RABGAP1L: variants seen among roughly 807,000 people sequenced by gnomAD.
RABGAP1L encodes the protein rab GTPase-activating protein 1-like.
RABGAP1L carries 63 observed loss-of-function variants against 137.7 expected under a neutral mutation model. The observed-to-expected ratio is 0.46, with a 90% CI of 0.37 to 0.56. The LOEUF (loss-of-function observed/expected upper bound fraction) is 0.56. RABGAP1L is among the 20% of genes least tolerant of loss of function. RABGAP1L has a pLI of 0.00. For missense variants in RABGAP1L, 1,095 were observed against 1,244.0 expected (o/e 0.88, Z 1.80); for synonymous variants, 431 against 433.7 (o/e 0.99, Z 0.08).
intron 13 of RABGAP1L, among the ~76,000 whole-genome samples, chr1:174,502,576 G>GTATATATATATATATATATATATATATA (rs60045454): frequency 6.2e-5 from 8 of 129,064 alleles, no homozygotes; most frequent in African/African-American, 2.1e-4. Flanking sequence ...AAAGTACACG[G>GTATATATATATATATATATATATATATA]TATATATATA....
At chr1:174,715,199 C>T (rs933434749) in intron 17 of RABGAP1L, among the ~76,000 whole-genome samples, 19 of 152,026 alleles carry the variant, frequency 1.2e-4, no homozygotes, top group African/African-American at 4.3e-4. Context: ...GAATGCTTCC[C>T]ATTGTCTAGA....
chr1:174,238,623 G>A (rs1167296426), intron 4 of RABGAP1L, among the ~76,000 whole-genome samples: 4 of 149,912 alleles, frequency 2.7e-5, no homozygotes, highest in East Asian at 1.9e-4. Context: ...CAGTCTGCCC[G>A]TTCTCAGATC....
chr1:174,736,900 C>T (rs1682993694), intron 17 of RABGAP1L, among the ~76,000 whole-genome samples: 1 of 152,190 alleles, frequency 6.6e-6, no homozygotes, highest in Admixed American at 6.5e-5. Context: ...CTGAGACTGA[C>T]CAGGACAATG....
At chr1:174,661,371 A>G (rs1676358213) in intron 14 of RABGAP1L, among the ~76,000 whole-genome samples, 1 of 152,218 alleles carries the variant, frequency 6.6e-6, no homozygotes, top group South Asian at 2.1e-4. Flanking sequence ...CTAAAGGAGT[A>G]AGAAAACATG....
rs1672236334 is a variant in RABGAP1L at position 174,994,224 on chromosome 1, A to C, written c.*4223A>C. The C allele has an allele frequency of 6.6e-6, 1 of 152,210 alleles. No individual in the cohort carries two copies. Among genetic ancestry groups the C allele is most frequent in the African/African-American group, 2.4e-5 (1 of 41,444 alleles). 9.4% of individuals were successfully genotyped at this position (152,210 alleles called of 1,614,324 possible). On this transcript the variant is annotated 3_prime_UTR_variant, in exon 26 of 26. Coordinates refer to ENST00000681986, the MANE Select transcript of RABGAP1L (RefSeq NM_001366446.1). ...AAAAGTGACCAAAATGAGGACTTCA[A>C]CCTTGGCTGCACCTCAATAGGAGAT...
intron 19 of RABGAP1L, among the ~76,000 whole-genome samples, chr1:174,873,047 T>C (rs1228344371): frequency 6.6e-6 from 1 of 152,022 alleles, no homozygotes; most frequent in Non-Finnish European, 1.5e-5. Context: ...GCAGAAGACC[T>C]TTCTGCCCTC....
At chr1:174,648,060 C>T (rs1203477120) in intron 14 of RABGAP1L, among the ~76,000 whole-genome samples, 1 of 152,000 alleles carries the variant, frequency 6.6e-6, no homozygotes, top group Non-Finnish European at 1.5e-5. Flanking sequence ...TCCCCTTTAT[C>T]ATTTTTTATT....
At chr1:174,688,100 C>A (rs1221874067) in intron 15 of RABGAP1L, among the ~76,000 whole-genome samples, 1 of 152,092 alleles carries the variant, frequency 6.6e-6, no homozygotes, top group Non-Finnish European at 1.5e-5. Flanking sequence ...AGATTGCCTG[C>A]AACCATTATA....
intron 10 of RABGAP1L, among the ~76,000 whole-genome samples, chr1:174,298,736 G>A (rs911399775): frequency 6.6e-6 from 1 of 152,142 alleles, no homozygotes; most frequent in Non-Finnish European, 1.5e-5. Context: ...TGGGTACATG[G>A]TGCCTGGCTT....
intron 14 of RABGAP1L, among the ~76,000 whole-genome samples, chr1:174,665,652 A>T (rs2148432890): frequency 6.6e-6 from 1 of 152,196 alleles, no homozygotes; most frequent in South Asian, 2.1e-4. Flanking sequence ...ACGGAGTTTT[A>T]CCATGTTGGC....
At chr1:174,472,370 A>G (rs1658040417) in intron 13 of RABGAP1L, among the ~76,000 whole-genome samples, 1 of 152,228 alleles carries the variant, frequency 6.6e-6, no homozygotes, top group Non-Finnish European at 1.5e-5. Flanking sequence ...GATGTATATT[A>G]TCTGTATTTC....
intron 14 of RABGAP1L, among the ~76,000 whole-genome samples, chr1:174,669,705 A>T (rs1219106717): frequency 6.6e-6 from 1 of 152,248 alleles, no homozygotes; most frequent in Non-Finnish European, 1.5e-5. Context: ...GTGGATATGC[A>T]GTCTTCTCAG....
At chr1:174,373,511 A>C (rs752651484) in intron 12 of RABGAP1L, among the ~76,000 whole-genome samples, 5 of 152,190 alleles carry the variant, frequency 3.3e-5, no homozygotes, top group African/African-American at 4.8e-5. Flanking sequence ...AGAGGGCTGC[A>C]TCCTGGTTGC....
chr1:174,432,977 A>G (rs1652823784), intron 13 of RABGAP1L, among the ~76,000 whole-genome samples: 1 of 152,244 alleles, frequency 6.6e-6, no homozygotes, highest in Non-Finnish European at 1.5e-5. Context: ...AAACGATTAG[A>G]TAGAAATCTT....
intron 11 of RABGAP1L, among the ~76,000 whole-genome samples, chr1:174,318,713 T>C (rs892569440): frequency 6.6e-6 from 1 of 151,800 alleles, no homozygotes; most frequent in South Asian, 2.1e-4. Context: ...TATTTTATAA[T>C]GGCATACTTT....
chr1:174,589,893 G>A (rs1669429953), intron 13 of RABGAP1L, among the ~76,000 whole-genome samples: 1 of 152,094 alleles, frequency 6.6e-6, no homozygotes, highest in African/African-American at 2.4e-5. Context: ...CAGGTAATGT[G>A]AGTTCTCCAG....
intron 14 of RABGAP1L, among the ~76,000 whole-genome samples, chr1:174,665,908 G>A (rs1445594469): frequency 6.6e-6 from 1 of 152,190 alleles, no homozygotes; most frequent in African/African-American, 2.4e-5. Context: ...TTATTTAACA[G>A]GTAGAGAAAT....
At chr1:174,296,538 T>G (rs1463973271) in intron 10 of RABGAP1L, among the ~76,000 whole-genome samples, 1 of 152,254 alleles carries the variant, frequency 6.6e-6, no homozygotes, top group Non-Finnish European at 1.5e-5. Flanking sequence ...ATTTTAGAAG[T>G]TAATTTCTTC....
intron 13 of RABGAP1L, among the ~76,000 whole-genome samples, chr1:174,399,513 T>TA (rs1221126071): frequency 1.1e-4 from 16 of 152,240 alleles, no homozygotes; most frequent in African/African-American, 3.9e-4. Context: ...AATTGCTTTA[T>TA]AAAAAATTGC....
Sources: allele counts gnomAD v4.1 joint callset (sites outside exome capture counted in the v4.1 genomes callset), GRCh38; gene constraint gnomAD v4.1.1; transcripts MANE v1.5; gene names NCBI Gene and HGNC (gene_info 2026-07-23, HGNC 2026-07-21).